CFTR: variants seen among roughly 807,000 people sequenced by gnomAD.
The protein encoded by CFTR is CF transmembrane conductance regulator, also known as cystic fibrosis transmembrane conductance regulator.
CFTR carries 181 observed loss-of-function variants against 171.6 expected under a neutral mutation model. The ratio of observed to expected loss-of-function variants is 1.05; its 90% CI spans 0.93 to 1.19. CFTR has a LOEUF of 1.19. Ranked by LOEUF, CFTR falls within the 50% of genes most tolerant of loss-of-function variation. The pLI, the probability that CFTR is intolerant of heterozygous loss-of-function variation, is 0.00. For missense variants in CFTR, 1,968 were observed against 1,734.7 expected (o/e 1.13, Z -2.39); for synonymous variants, 583 against 608.0 (o/e 0.96, Z 0.60).
At chr7:117,660,045 G>A (rs1357648411) in intron 24 of CFTR, among the ~76,000 whole-genome samples, 1 of 146,436 alleles carries the variant, frequency 6.8e-6, no homozygotes. Context: ...TTTTTTTTTA[G>A]TTTAACATGT....
chr7:117,638,793 CA>C (rs1562922284), intron 22 of CFTR, among the ~76,000 whole-genome samples: 1 of 150,658 alleles, frequency 6.6e-6, no homozygotes. Context: ...TAAAATAAAA[CA>C]AAAATTTTAT....
intron 10 of CFTR, among the ~76,000 whole-genome samples, chr7:117,551,503 C>T (rs1273495661): frequency 2.6e-5 from 4 of 152,170 alleles, no homozygotes; most frequent in African/African-American, 7.2e-5. Flanking sequence ...ACGTTGTTGA[C>T]TTTTGTCACT....
chr7:117,662,903 T>C (rs1205287920), intron 24 of CFTR, among the ~76,000 whole-genome samples: 1 of 151,448 alleles, frequency 6.6e-6, no homozygotes, highest in East Asian at 1.9e-4. Context: ...GTCTGGAGAG[T>C]TGGAAATGAC....
chr7:117,589,332 G>GT (rs1437062038), intron 12 of CFTR, among the ~76,000 whole-genome samples: 2 of 151,858 alleles, frequency 1.3e-5, no homozygotes, highest in Admixed American at 1.3e-4. Flanking sequence ...GACTTTTAAA[G>GT]TTTTGCCATT....
intron 14 of CFTR, among the ~76,000 whole-genome samples, chr7:117,593,923 G>T (rs1340486238): frequency 6.6e-6 from 1 of 152,058 alleles, no homozygotes; most frequent in East Asian, 1.9e-4. Flanking sequence ...CATCTATATA[G>T]TTTAATATCA....
rs769476932 is a variant in CFTR at position 117,590,366 on chromosome 7, G to C, written c.1693G>C (p.Asp565His). 3 of 1,603,020 alleles carry C rather than the reference G, an allele frequency of 1.9e-6. No individual in the cohort carries two copies. The South Asian group carries it at 3.3e-5, about 18-fold the overall frequency. The change falls in exon 13 of 27, where the codon GAT becomes CAT. Residue 565 changes from aspartate to histidine, a missense_variant. Coordinates refer to ENST00000003084, the MANE Select transcript of CFTR (RefSeq NM_000492.4). ...TTTTCTTTTTAGAGCAGTATACAAA[G>C]ATGCTGATTTGTATTTATTAGACTC... is the stretch of plus-strand genomic sequence containing the variant. ...RISLARAVYK[D>H]ADLYLLDSPF...
chr7:117,555,071 T>A (rs1232910606), intron 10 of CFTR, among the ~76,000 whole-genome samples: 1 of 152,034 alleles, frequency 6.6e-6, no homozygotes, highest in Non-Finnish European at 1.5e-5. Context: ...CATTGGAAAA[T>A]TTTTGGGGTT....
intron 9 of CFTR, among the ~76,000 whole-genome samples, chr7:117,543,832 G>A (rs886401537): frequency 1.3e-5 from 2 of 152,106 alleles, no homozygotes; most frequent in African/African-American, 4.8e-5. Context: ...CGACTTCAAC[G>A]TCCATATAAA....
In CFTR at chr7:117,603,617, G is replaced by C. The variant is rs770502501; in HGVS notation, c.2743G>C (p.Val915Leu). 28 of 1,613,954 alleles carry C rather than the reference G, an allele frequency of 1.7e-5. No individual in the cohort carries two copies. The highest frequency in any genetic ancestry group is 1.9e-5 in the Non-Finnish European group (23 of 1,179,950). ...VIITSTSSYY[V>L]FYIYVGVADT... ...TATCACCAGCACCAGTTCGTATTATGTGTTTTACATTTACGTGGGAGTAGC... is the reference window on the plus strand; with the variant it reads ...TATCACCAGCACCAGTTCGTATTATCTGTTTTACATTTACGTGGGAGTAGC... Residue 915 changes from valine (V) to leucine (L), a missense_variant, in exon 17 of 27, where the codon GTG becomes CTG. By Grantham distance (32) the Val-to-Leu change is conservative (BLOSUM62 1). Coordinates refer to ENST00000003084, the MANE Select transcript of CFTR (RefSeq NM_000492.4).
intron 1 of CFTR, among the ~76,000 whole-genome samples, chr7:117,481,324 T>C (rs1305208026): frequency 6.6e-6 from 1 of 152,246 alleles, no homozygotes; most frequent in Non-Finnish European, 1.5e-5. Flanking sequence ...ATTGATCTGT[T>C]TTCCTAGTCC....
At chr7:117,559,708 C>T (rs1799428884) in intron 11 of CFTR, 53 bp downstream of exon 11, 29 of 1,219,968 alleles carry the variant, frequency 2.4e-5, no homozygotes, top group Non-Finnish European at 3.5e-5. Flanking sequence ...CTTCACACTA[C>T]CCAAATTATA....
intron 10 of CFTR, among the ~76,000 whole-genome samples, chr7:117,552,946 G>C (rs1248332412): frequency 6.6e-6 from 1 of 152,110 alleles, no homozygotes; most frequent in African/African-American, 2.4e-5. Flanking sequence ...GAGGTGATTA[G>C]TCCATGAGGG....
chr7:117,558,546 T>A (rs930706354), intron 10 of CFTR, among the ~76,000 whole-genome samples: 1 of 147,402 alleles, frequency 6.8e-6, no homozygotes, highest in Non-Finnish European at 1.5e-5. Context: ...AGAGTGAGAC[T>A]CTGTCTCTAA....
At position 117,666,931 on chromosome 7, in the gene CFTR, G is replaced by T. The variant is rs545385510; in HGVS notation, c.4266G>T (p.Arg1422=). The change falls in exon 27 of 27, where the codon CGG becomes CGT. Residue 1422 remains arginine (R), a synonymous_variant. Coordinates refer to ENST00000003084, the MANE Select transcript of CFTR (RefSeq NM_000492.4). ...AGGTCATAGAAGAGAACAAAGTGCG[G>T]CAGTACGATTCCATCCAGAAACTGC... ...QFLVIEENKV[R]QYDSIQKLLN... 1 of 1,614,006 alleles carries T rather than the reference G, an allele frequency of 6.2e-7. No homozygotes were observed. Among genetic ancestry groups the T allele is most frequent in the Non-Finnish European group, 8.5e-7 (1 of 1,179,968 alleles).
In CFTR at chr7:117,509,089, C is replaced by T. The variant is rs115545701; in HGVS notation, c.220C>T (p.Arg74Trp). The T allele has an allele frequency of 9.3e-4, 1,498 of 1,612,848 alleles. 10 individuals are homozygous for T. The African/African-American group carries it at 0.013, about 13-fold the overall frequency. ...KKNPKLINALRRCFFWRFMFY... is the reference protein window; with the variant it reads ...KKNPKLINALWRCFFWRFMFY... The stretch of plus-strand genomic sequence containing the variant: ...AAATCCTAAACTCATTAATGCCCTT[C>T]GGCGATGTTTTTTCTGGAGATTTAT... Residue 74 changes from arginine to tryptophan, a missense_variant, in exon 3 of 27, where the codon CGG becomes TGG. By Grantham distance (101) the Arg-to-Trp change is moderately radical (BLOSUM62 -3). Coordinates refer to ENST00000003084, the MANE Select transcript of CFTR (RefSeq NM_000492.4).
intron 22 of CFTR, among the ~76,000 whole-genome samples, chr7:117,640,050 T>C (rs1422814772): frequency 6.6e-6 from 1 of 152,162 alleles, no homozygotes; most frequent in Non-Finnish European, 1.5e-5. Context: ...ACTTTCAACA[T>C]ATTATTTTGA....
chr7:117,581,772 A>T (rs572663582), intron 11 of CFTR, among the ~76,000 whole-genome samples: 21 of 152,226 alleles, frequency 1.4e-4, no homozygotes, highest in African/African-American at 4.8e-4. Flanking sequence ...ATTTTTTGAG[A>T]CAAGATCTTA....
intron 12 of CFTR, among the ~76,000 whole-genome samples, chr7:117,589,009 T>C (rs1008586699): frequency 5.9e-5 from 9 of 152,152 alleles, no homozygotes; most frequent in Non-Finnish European, 1.2e-4. Flanking sequence ...AGATAGAGTA[T>C]ATGGCTTCTA....
At chr7:117,660,938 A>G (rs1352814567) in intron 24 of CFTR, among the ~76,000 whole-genome samples, 1 of 152,100 alleles carries the variant, frequency 6.6e-6, no homozygotes, top group African/African-American at 2.4e-5. Context: ...CTGTCAGAGT[A>G]CCTAGAATTT....
Sources: gnomAD v4.1 joint callset for allele counts (sites outside exome capture counted in the v4.1 genomes callset) on GRCh38, gnomAD v4.1.1 for gene constraint, MANE v1.5 for transcripts, NCBI Gene and HGNC (gene_info 2026-07-23, HGNC 2026-07-21) for gene names.